MAP4: variants seen among roughly 807,000 people sequenced by gnomAD.
MAP4 encodes the protein microtubule-associated protein 4.
A neutral mutation model predicts 170.2 loss-of-function variants in MAP4; 76 were observed. The ratio of observed to expected loss-of-function variants is 0.45; its 90% confidence interval spans 0.37 to 0.54. MAP4 has a LOEUF of 0.54. Among genes scored for constraint, MAP4 ranks in the 20% least tolerant of loss-of-function variants. The pLI, the probability that MAP4 is intolerant of heterozygous loss-of-function variation, is 0.00. For missense variants in MAP4, 2,506 were observed against 2,748.0 expected (o/e 0.91, Z 1.97); for synonymous variants, 909 against 994.5 (o/e 0.91, Z 1.62).
At chr3:47,977,599 CA>C (rs762212940) in intron 3 of MAP4, among the ~76,000 whole-genome samples, 2 of 152,156 alleles carry the variant, frequency 1.3e-5, no homozygotes, top group African/African-American at 2.4e-5. Context: ...TCTGCATCTA[CA>C]AAAGTATTTT....
chr3:48,042,354 A>C (rs569081058), intron 1 of MAP4, among the ~76,000 whole-genome samples: 44 of 152,354 alleles, frequency 2.9e-4, no homozygotes, highest in Non-Finnish European at 5.1e-4. Context: ...GTAGGGTGCT[A>C]TAAGAATATC....
chr3:48,032,987 T>C (rs990247619), intron 1 of MAP4, among the ~76,000 whole-genome samples: 2 of 152,176 alleles, frequency 1.3e-5, no homozygotes, highest in African/African-American at 2.4e-5. Context: ...CAAAGTAACT[T>C]GGTGATGTGC....
chr3:48,084,432 T>C (rs1174895080), intron 1 of MAP4, among the ~76,000 whole-genome samples: 1 of 151,836 alleles, frequency 6.6e-6, no homozygotes, highest in Non-Finnish European at 1.5e-5. Context: ...AGTAATTGTG[T>C]TGACTTTCAA....
intron 1 of MAP4, among the ~76,000 whole-genome samples, chr3:48,040,167 C>T (rs147906354): frequency 8.5e-4 from 129 of 152,292 alleles, no homozygotes; most frequent in African/African-American, 3.0e-3. Context: ...TGAAATAAAG[C>T]CTTCATAAGA....
chr3:48,074,725 T>TGTGTGTGTGTGTGTGG (rs756153345), intron 1 of MAP4, among the ~76,000 whole-genome samples: 2 of 147,420 alleles, frequency 1.4e-5, no homozygotes, highest in East Asian at 4.0e-4. Context: ...TGTGTGTGTG[T>TGTGTGTGTGTGTGTGG]GATATGTCGG....
chr3:47,933,978 T>A (rs1322964521), intron 3 of MAP4, among the ~76,000 whole-genome samples: 1 of 152,210 alleles, frequency 6.6e-6, no homozygotes, highest in Non-Finnish European at 1.5e-5. Flanking sequence ...GGGTTAATTA[T>A]GTAGTTTAAT....
intron 1 of MAP4, among the ~76,000 whole-genome samples, chr3:48,044,566 C>T (rs2100123401): frequency 1.3e-5 from 2 of 151,752 alleles, no homozygotes; most frequent in Non-Finnish European, 2.9e-5. Flanking sequence ...AGTTCGAGAC[C>T]ACCCTGGCCA....
chr3:47,914,251 T>C (rs1443625807), intron 8 of MAP4, among the ~76,000 whole-genome samples: 4 of 152,156 alleles, frequency 2.6e-5, no homozygotes, highest in African/African-American at 9.7e-5. Flanking sequence ...GGGTGTCCTT[T>C]CTTCACTATG....
intron 1 of MAP4, among the ~76,000 whole-genome samples, chr3:48,060,250 A>G (rs537312834): frequency 3.9e-5 from 6 of 152,258 alleles, no homozygotes; most frequent in Admixed American, 3.9e-4. Context: ...GAAGTTTATC[A>G]CTCATGCCTG....
intron 17 of MAP4, among the ~76,000 whole-genome samples, chr3:47,858,049 G>A (rs189197512): frequency 7.7e-6 from 1 of 129,794 alleles, no homozygotes; most frequent in Admixed American, 8.4e-5. Context: ...TTAAGACAGA[G>A]TTTCACTCTT....
At chr3:47,935,354 C>A (rs2153917409) in intron 3 of MAP4, among the ~76,000 whole-genome samples, 1 of 152,038 alleles carries the variant, frequency 6.6e-6, no homozygotes, top group Admixed American at 6.6e-5. Flanking sequence ...GGGCCATGGG[C>A]AAGAATGGGA....
At chr3:47,951,543 G>C (rs1371466863) in intron 3 of MAP4, among the ~76,000 whole-genome samples, 1 of 152,232 alleles carries the variant, frequency 6.6e-6, no homozygotes, top group Non-Finnish European at 1.5e-5. Flanking sequence ...GTGGAGACAG[G>C]GTTTCGCTGT....
intron 1 of MAP4, among the ~76,000 whole-genome samples, chr3:48,087,745 GCACACACACACA>G (rs1171639123): frequency 1.9e-5 from 2 of 105,614 alleles, no homozygotes; most frequent in East Asian, 8.7e-4. Flanking sequence ...ACACGCACGC[GCACACACACACA>G]CACACACACA....
chr3:47,916,482 C>T lies in MAP4; in HGVS notation c.1345G>A (p.Asp449Asn), dbSNP rs141598995. Residue 449 changes from aspartate (D) to asparagine (N), a missense_variant, in exon 7 of 21, where the codon GAC becomes AAC. Asp to Asn is a conservative substitution (Grantham distance 23). Transcript: ENST00000683076. ...TTGGTTTCCGGGGGCAGTGTCATGT[C>T]CCTGGCCAGGGCTACCTCTGTTTCT... ...SSETEVALARDMTLPPETNVI... is the reference protein window; with the variant it reads ...SSETEVALARNMTLPPETNVI... 8.1e-6 allele frequency: 13 copies of T among 1,614,084 alleles called. No homozygotes were observed. The highest frequency in any genetic ancestry group is 1.1e-5 in the Non-Finnish European group (13 of 1,180,040).
At chr3:47,859,381 C>T (rs2061990608) in intron 17 of MAP4, among the ~76,000 whole-genome samples, 1 of 152,204 alleles carries the variant, frequency 6.6e-6, no homozygotes, top group South Asian at 2.1e-4. Context: ...ATAGTCTTCA[C>T]CATGTTTCCA....
At position 48,072,867 on chromosome 3, in the gene MAP4, T is replaced by C. The variant is rs566504113; in HGVS notation, c.-20+15906A>G. Among the ~76,000 whole-genome samples the C allele has an allele frequency of 2.0e-5, 3 of 152,236 alleles. No individual in the cohort carries two copies. The East Asian group carries it at 5.8e-4, about 29-fold the overall frequency. On this transcript the variant is annotated intron_variant, in intron 1 of 18. Coordinates refer to the MAP4 transcript ENST00000360240. ...CATCAATTGAACATACATTTGCCAG[T>C]AGAGAAAGAGAAACAAGAAATGAAG...
chr3:47,868,114 C>G (rs1005982717), intron 16 of MAP4, among the ~76,000 whole-genome samples: 1 of 152,218 alleles, frequency 6.6e-6, no homozygotes, highest in African/African-American at 2.4e-5. Context: ...GCAAGGACGC[C>G]CAATCCTGGG....
At chr3:48,084,296 G>C (rs1419754069) in intron 1 of MAP4, among the ~76,000 whole-genome samples, 1 of 151,032 alleles carries the variant, frequency 6.6e-6, no homozygotes, top group Non-Finnish European at 1.5e-5. Flanking sequence ...TACTGGGGAG[G>C]CTGAGGCAGG....
Position 47,855,796 on chromosome 3 carries a change from C to T in MAP4, c.6584-436G>A, listed in dbSNP as rs934497413. ...CCTGTCATCACGGCCACGGTCCCTG[C>T]TTCCCAGCCGGTAAAACTGATGCTG... On this transcript the variant is annotated intron_variant, in intron 18 of 20. Transcript: ENST00000683076. The surrounding 1 kb of genome is among the most constrained non-coding windows in gnomAD (Gnocchi z 5.1). Among the ~76,000 whole-genome samples, 3 of 152,236 alleles carry T rather than the reference C, an allele frequency of 2.0e-5. No individual in the cohort carries two copies. Among genetic ancestry groups the T allele is most frequent in the Non-Finnish European group, 4.4e-5 (3 of 68,048 alleles).
Sources: allele counts gnomAD v4.1 joint callset (sites outside exome capture counted in the v4.1 genomes callset), GRCh38; gene constraint gnomAD v4.1.1; non-coding constraint Gnocchi (gnomAD v3.1); transcripts MANE v1.5; gene names NCBI Gene and HGNC (gene_info 2026-07-23, HGNC 2026-07-21).